ATP8B4: variants seen among roughly 807,000 people sequenced by gnomAD.
ATP8B4 encodes ATPase phospholipid transporting 8B4 (putative).
ATP8B4 carries 133 observed loss-of-function variants against 145.6 expected under a neutral mutation model. The ratio of observed to expected loss-of-function variants is 0.91; its 90% CI spans 0.79 to 1.05. The LOEUF (loss-of-function observed/expected upper bound fraction) is 1.05. ATP8B4 is among the 50% of genes least tolerant of loss of function. The pLI is 0.00. For synonymous variants in ATP8B4, 507 were observed against 492.9 expected, an observed-to-expected ratio of 1.03 and a Z score of -0.38; for missense variants, 1,458 against 1,425.2, an observed-to-expected ratio of 1.02 and a Z score of -0.37.
chr15:49,860,400 A>G lies in ATP8B4; in HGVS notation c.3373T>C (p.Ser1125Pro). Residue 1125 changes from serine (S) to proline (P), a missense_variant, in exon 28 of 28, where the codon TCA becomes CCA. Ser to Pro is a moderately conservative substitution (Grantham distance 74, BLOSUM62 -1). Transcript: ENST00000284509. ...SRRPRTRRSS[S>P]RRSGYAFAHQ... ...GCAAAAGCATATCCAGACCTTCTTGAGCTTGACCTGCGGGTCCGAGGCCTT... is the reference window on the plus strand; with the variant it reads ...GCAAAAGCATATCCAGACCTTCTTGGGCTTGACCTGCGGGTCCGAGGCCTT... 6.2e-7 allele frequency: 1 copy of G among 1,613,996 alleles called. No individual in the cohort carries two copies. The highest frequency in any genetic ancestry group is 1.1e-5 in the South Asian group (1 of 91,072).
At chr15:49,968,503 A>T (rs1278958727) in intron 13 of ATP8B4, among the ~76,000 whole-genome samples, 1 of 152,246 alleles carries the variant, frequency 6.6e-6, no homozygotes, top group Non-Finnish European at 1.5e-5. Context: ...ACTTTAAACC[A>T]ACAAAGACCA....
chr15:50,173,100 C>A (rs537168447), intron 1 of ATP8B4, among the ~76,000 whole-genome samples: 1 of 148,776 alleles, frequency 6.7e-6, no homozygotes, highest in Admixed American at 6.6e-5. Context: ...GCCCAGCCGC[C>A]GCCCCGTCTG....
chr15:49,896,050 A>G (rs560796700), intron 23 of ATP8B4: 54 of 152,352 alleles, frequency 3.5e-4, no homozygotes, highest in African/African-American at 1.2e-3. Flanking sequence ...CACAGGCCAC[A>G]TTCCAATGCT....
intron 1 of ATP8B4, among the ~76,000 whole-genome samples, chr15:50,118,039 T>C (rs747483508): frequency 3.3e-5 from 5 of 152,122 alleles, no homozygotes; most frequent in Non-Finnish European, 5.9e-5. Context: ...GGCTGGTTAA[T>C]GGGTACAAAC....
At chr15:50,029,000 CGAGGCA>C (rs1194683108) in intron 6 of ATP8B4, among the ~76,000 whole-genome samples, 1 of 151,872 alleles carries the variant, frequency 6.6e-6, no homozygotes, top group Non-Finnish European at 1.5e-5. Flanking sequence ...TTTGGGAGGC[CGAGGCA>C]GGCGGATCAT....
At chr15:49,881,843 T>C (rs2035471147) in intron 23 of ATP8B4, among the ~76,000 whole-genome samples, 1 of 152,182 alleles carries the variant, frequency 6.6e-6, no homozygotes, top group African/African-American at 2.4e-5. Context: ...CAAATGCATC[T>C]TCATCAAAGT....
intron 1 of ATP8B4, among the ~76,000 whole-genome samples, chr15:50,156,967 G>A (rs375667868): frequency 2.6e-5 from 4 of 152,216 alleles, no homozygotes; most frequent in African/African-American, 9.6e-5. Context: ...AAGATTTTTA[G>A]AAACAAGCAA....
intron 1 of ATP8B4, among the ~76,000 whole-genome samples, chr15:50,163,725 G>T (rs1468570792): frequency 6.6e-6 from 1 of 152,188 alleles, no homozygotes; most frequent in Admixed American, 6.5e-5. Context: ...AGGGCTACAA[G>T]ATCCCCCTAG....
intron 1 of ATP8B4, among the ~76,000 whole-genome samples, chr15:50,129,974 GA>G (rs2057335089): frequency 6.9e-6 from 1 of 144,512 alleles, no homozygotes; most frequent in African/African-American, 2.6e-5. Context: ...AAAAAAGAAA[GA>G]AAAGAAAAGA....
chr15:49,886,348 G>T (rs369053861), intron 23 of ATP8B4, among the ~76,000 whole-genome samples: 1 of 152,122 alleles, frequency 6.6e-6, no homozygotes, highest in Non-Finnish European at 1.5e-5. Context: ...TAAATGCCAC[G>T]ACAGCACCTG....
At chr15:49,913,585 T>G (rs1451656388) in intron 20 of ATP8B4, among the ~76,000 whole-genome samples, 1 of 152,202 alleles carries the variant, frequency 6.6e-6, no homozygotes. Context: ...AAATTGTTCC[T>G]GTTTGCAAGC....
At chr15:50,057,592 G>A (rs963003403) in intron 3 of ATP8B4, among the ~76,000 whole-genome samples, 16 of 152,282 alleles carry the variant, frequency 1.1e-4, no homozygotes, top group Admixed American at 3.3e-4. Context: ...TTTCAATCTA[G>A]GGAGAACATT....
chr15:50,072,033 TAAATATTAATATTA>T (rs1411191405), intron 3 of ATP8B4, among the ~76,000 whole-genome samples: 1 of 150,508 alleles, frequency 6.6e-6, no homozygotes, highest in Non-Finnish European at 1.5e-5. Context: ...TAAATATTAA[TAAATATTAATATTA>T]ATTAATTAAT....
chr15:50,078,946 G>C (rs1253189084), intron 2 of ATP8B4, among the ~76,000 whole-genome samples: 3 of 152,168 alleles, frequency 2.0e-5, no homozygotes, highest in Non-Finnish European at 4.4e-5. Context: ...CTCTGCAAAA[G>C]TGTTTACAGA....
chr15:49,862,142 A>G, intron 27 of ATP8B4, 103 bp downstream of exon 27: 1 of 1,414,474 alleles, frequency 7.1e-7, no homozygotes, highest in Non-Finnish European at 9.6e-7. Flanking sequence ...TTTGCTTGTG[A>G]CAATTTCATT....
chr15:50,150,972 C>T (rs2044339934), intron 1 of ATP8B4, among the ~76,000 whole-genome samples: 1 of 152,168 alleles, frequency 6.6e-6, no homozygotes, highest in African/African-American at 2.4e-5. Context: ...TTGGGAAAAG[C>T]TGTCTAGAGC....
chr15:49,929,845 C>T (rs141384207), intron 16 of ATP8B4, among the ~76,000 whole-genome samples: 464 of 151,986 alleles, frequency 3.1e-3, no homozygotes, highest in Non-Finnish European at 4.3e-3. Context: ...TAAGGAAAAG[C>T]CATTGGACTG....
At chr15:49,870,138 C>T (rs1317100026) in intron 25 of ATP8B4, among the ~76,000 whole-genome samples, 2 of 152,076 alleles carry the variant, frequency 1.3e-5, no homozygotes, top group Non-Finnish European at 2.9e-5. Flanking sequence ...AATACTTATA[C>T]ATTCATATTA....
chr15:50,126,957 T>G (rs1468621057), intron 1 of ATP8B4, among the ~76,000 whole-genome samples: 1 of 152,118 alleles, frequency 6.6e-6, no homozygotes, highest in Admixed American at 6.5e-5. Flanking sequence ...CCACTGTTCT[T>G]CATTCTAAAT....
Sources: allele counts gnomAD v4.1 joint callset (sites outside exome capture counted in the v4.1 genomes callset), GRCh38; gene constraint gnomAD v4.1.1; transcripts MANE v1.5; gene names NCBI Gene and HGNC (gene_info 2026-07-23, HGNC 2026-07-21).